Variants in OSBPL8 observed in about 807,000 individuals in gnomAD.
OSBPL8 encodes the protein oxysterol-binding protein-related protein 8.
OSBPL8 carries 59 observed loss-of-function variants against 125.5 expected under a neutral mutation model. That is an observed-to-expected ratio of 0.47 (90% CI 0.38 to 0.58). The LOEUF is 0.58. OSBPL8 is among the 20% of genes least tolerant of loss of function. The probability of loss-of-function intolerance (pLI) is 0.00; values close to 1 mark genes in which losing one functional copy is unlikely to be tolerated. For synonymous variants in OSBPL8, 330 were observed against 338.9 expected (o/e 0.97, Z 0.29); for missense variants, 758 against 1,047.8 (o/e 0.72, Z 3.82).
At chr12:76,419,310 A>G (rs1470078840) in intron 4 of OSBPL8, among the ~76,000 whole-genome samples, 1 of 152,228 alleles carries the variant, frequency 6.6e-6, no homozygotes, top group Non-Finnish European at 1.5e-5. Flanking sequence ...CTGTTACATA[A>G]CACATTGCAT....
intron 1 of OSBPL8, among the ~76,000 whole-genome samples, chr12:76,507,329 G>A (rs1880514345): frequency 6.6e-6 from 1 of 151,628 alleles, no homozygotes; most frequent in South Asian, 2.1e-4. Context: ...CAAGGTTAAT[G>A]GCTTTAATAC....
chr12:76,545,125 G>C (rs919170673), intron 1 of OSBPL8, among the ~76,000 whole-genome samples: 1 of 152,088 alleles, frequency 6.6e-6, no homozygotes, highest in Non-Finnish European at 1.5e-5. Flanking sequence ...TGTGATACTA[G>C]GTCGCATTGT....
intron 2 of OSBPL8, among the ~76,000 whole-genome samples, chr12:76,480,968 A>G (rs1332950754): frequency 6.6e-6 from 1 of 152,226 alleles, no homozygotes; most frequent in East Asian, 1.9e-4. Context: ...CAATGTAGTC[A>G]TAAGTATCCT....
chr12:76,374,193 G>A (rs1449152698), intron 17 of OSBPL8, among the ~76,000 whole-genome samples: 1 of 152,140 alleles, frequency 6.6e-6, no homozygotes, highest in East Asian at 1.9e-4. Context: ...CTAGTTTACA[G>A]AAATATTTTT....
chr12:76,400,924 G>A (rs1230414336), intron 6 of OSBPL8, among the ~76,000 whole-genome samples: 1 of 151,706 alleles, frequency 6.6e-6, no homozygotes, highest in Non-Finnish European at 1.5e-5. Flanking sequence ...AAGCAGCTAG[G>A]ATTACAGGCA....
intron 2 of OSBPL8, among the ~76,000 whole-genome samples, chr12:76,480,814 C>T (rs1275810938): frequency 6.6e-6 from 1 of 152,156 alleles, no homozygotes; most frequent in African/African-American, 2.4e-5. Context: ...AGAATAATGG[C>T]CTCCCAAAGA....
At chr12:76,507,413 TTC>T (rs1260929085) in intron 1 of OSBPL8, among the ~76,000 whole-genome samples, 45 of 151,740 alleles carry the variant, frequency 3.0e-4, no homozygotes, top group Non-Finnish European at 1.5e-4. Flanking sequence ...AATAGTGGCT[TTC>T]TCTTATGGCA....
rs1952909831 is a variant in OSBPL8 at position 76,378,399 on chromosome 12, C to A, written c.1729+53G>T. The A allele has an allele frequency of 9.7e-6, 12 of 1,234,162 alleles. No individual in the cohort carries two copies. In the Middle Eastern group the frequency reaches 5.8e-4, roughly 60 times the overall value. The allele number at this position is 1,234,162 out of a possible 1,614,324, so 76.5% of individuals were successfully genotyped here. ...AAGCATAACAAATCACAGCTACATA[C>A]ATTTACTTAAAAGGAAAGCTTAATA... On this transcript the variant is annotated intron_variant, in intron 16 of 23. Coordinates refer to ENST00000261183, the MANE Select transcript of OSBPL8 (RefSeq NM_020841.5).
intron 1 of OSBPL8, among the ~76,000 whole-genome samples, chr12:76,556,766 C>A (rs1032755956): frequency 2.0e-5 from 3 of 152,146 alleles, no homozygotes; most frequent in Admixed American, 6.5e-5. Flanking sequence ...TGGGTTCATG[C>A]GATTCTCCTG....
intron 4 of OSBPL8, among the ~76,000 whole-genome samples, chr12:76,441,288 G>C (rs1872152165): frequency 6.6e-6 from 1 of 152,112 alleles, no homozygotes; most frequent in African/African-American, 2.4e-5. Context: ...CCTGGAAAGA[G>C]ATCAACTTGC....
intron 1 of OSBPL8, among the ~76,000 whole-genome samples, chr12:76,553,622 A>T (rs1164436533): frequency 6.6e-6 from 1 of 151,062 alleles, no homozygotes; most frequent in Non-Finnish European, 1.5e-5. Flanking sequence ...GCAGTGAGCC[A>T]TGGTAGTGAG....
At chr12:76,405,006 AT>A (rs1954198573) in intron 5 of OSBPL8, among the ~76,000 whole-genome samples, 1 of 152,192 alleles carries the variant, frequency 6.6e-6, no homozygotes. Context: ...ACAGATTAAT[AT>A]CTTTCCAAAG....
chr12:76,378,452 C>G lies in OSBPL8; in HGVS notation c.1729G>C (p.Gly577Arg), dbSNP rs1952912356. Reference sequence around the variant, plus strand: ...TAATTCAAGTATAGAAAATATTTACCTTTACAATGAGCGTATGGCATTGTC... The same window carrying G: ...TAATTCAAGTATAGAAAATATTTACGTTTACAATGAGCGTATGGCATTGTC... ...VMTMPYAHCK[G>R]ILYGTMTLEL... is the part of the protein sequence containing the mutation. Residue 577 changes from glycine to arginine, a missense_variant and splice_region_variant, in exon 16 of 24, where the codon GGA (glycine) becomes CGA (arginine). Physicochemically the swap from Gly to Arg is moderately radical, Grantham distance 125. Transcript: ENST00000261183. The G allele has an allele frequency of 6.4e-7, 1 of 1,550,722 alleles. No individual in the cohort carries two copies. Among genetic ancestry groups the G allele is most frequent in the Non-Finnish European group, 8.8e-7 (1 of 1,134,990 alleles).
intron 22 of OSBPL8, among the ~76,000 whole-genome samples, chr12:76,358,117 T>C (rs1952052114): frequency 6.6e-6 from 1 of 151,168 alleles, no homozygotes; most frequent in Non-Finnish European, 1.5e-5. Flanking sequence ...TAGGGAACCA[T>C]CAGCAATTTT....
chr12:76,355,261 A>G lies in OSBPL8; in HGVS notation c.*628T>C, dbSNP rs1243859625. The G allele has an allele frequency of 2.6e-5, 4 of 152,640 alleles. No individual in the cohort carries two copies. The East Asian group carries it at 7.7e-4, about 29-fold the overall frequency. The allele number at this position is 152,640 out of a possible 1,614,324, so 9.5% of individuals were successfully genotyped here. On this transcript the variant is annotated 3_prime_UTR_variant, in exon 24 of 24. Transcript: ENST00000261183. ...AAATATTAAATTCTAGGGGTTAAAAAAAACTTATGTAAACTTTTAAAAAAG... is the reference window on the plus strand; with the variant it reads ...AAATATTAAATTCTAGGGGTTAAAAGAAACTTATGTAAACTTTTAAAAAAG...
chr12:76,531,241 C>G (rs963527834), intron 1 of OSBPL8, among the ~76,000 whole-genome samples: 1 of 152,136 alleles, frequency 6.6e-6, no homozygotes, highest in African/African-American at 2.4e-5. Flanking sequence ...ATTGTATCAC[C>G]TTTTATCACT....
chr12:76,369,173 C>T, intron 21 of OSBPL8, 41 bp downstream of exon 21: 2 of 1,576,314 alleles, frequency 1.3e-6, no homozygotes. Flanking sequence ...AAAGATTTAA[C>T]AGATTTATAT....
intron 21 of OSBPL8, among the ~76,000 whole-genome samples, chr12:76,362,742 GTC>G (rs2136151566): frequency 6.6e-6 from 1 of 152,292 alleles, no homozygotes; most frequent in South Asian, 2.1e-4. Flanking sequence ...AAGTCAAATT[GTC>G]TCTGTTTGCA....
At chr12:76,412,917 C>T (rs1179035563) in intron 4 of OSBPL8, among the ~76,000 whole-genome samples, 1 of 152,200 alleles carries the variant, frequency 6.6e-6, no homozygotes. Flanking sequence ...GCATAGTTAG[C>T]TGTTCCTTTC....
Sources: allele counts gnomAD v4.1 joint callset (sites outside exome capture counted in the v4.1 genomes callset), GRCh38; gene constraint gnomAD v4.1.1; transcripts MANE v1.5; gene names NCBI Gene and HGNC (gene_info 2026-07-23, HGNC 2026-07-21).